The following BAHCC1 variants were observed in gnomAD, a reference collection of about 807,000 sequenced individuals.
The protein encoded by BAHCC1 is BAH and coiled-coil domain-containing protein 1.
Under a neutral mutation model 88.2 loss-of-function variants are expected in BAHCC1, and 43 were observed. The ratio of observed to expected loss-of-function variants is 0.49; its 90% CI spans 0.38 to 0.63. BAHCC1 has a LOEUF of 0.63. Ranked by LOEUF, BAHCC1 falls within the 20% of genes least tolerant of loss-of-function variation. The probability of loss-of-function intolerance (pLI) is 0.00; values close to 1 mark genes in which losing one functional copy is unlikely to be tolerated. For missense variants in BAHCC1, 3,023 were observed against 1,654.8 expected (o/e 1.83, Z -14.34); for synonymous variants, 1,510 against 745.5 (o/e 2.03, Z -16.71).
At chr17:81,421,679 G>A (rs930630003) in intron 2 of BAHCC1, among the ~76,000 whole-genome samples, 3 of 152,202 alleles carry the variant, frequency 2.0e-5, no homozygotes, top group Non-Finnish European at 4.4e-5. Context: ...CCCTGCTCAC[G>A]GGGCAAGGGG....
chr17:81,444,859 G>A (rs553257375), intron 8 of BAHCC1, 33 bp downstream of exon 8: 6 of 756,236 alleles, frequency 7.9e-6, no homozygotes, highest in East Asian at 2.5e-5. Context: ...GCTGTACTTG[G>A]GGGGTGCTGT....
At chr17:81,431,263 C>T in intron 3 of BAHCC1, among the ~76,000 whole-genome samples, 1 of 152,170 alleles carries the variant, frequency 6.6e-6, no homozygotes, top group East Asian at 1.9e-4. Flanking sequence ...GGCCGGCCAC[C>T]CTGCCAGGGT....
chr17:81,442,652 G>C lies in BAHCC1; in HGVS notation c.1303G>C (p.Ala435Pro). Reference protein sequence around the residue: ...LEGTMAPDHAAPYGVSYAHLK... With the variant: ...LEGTMAPDHAPPYGVSYAHLK... Reference sequence around the variant, plus strand: ...GGGAACCATGGCCCCCGACCACGCTGCACCCTATGGAGTCTCCTATGCCCA... The same window carrying C: ...GGGAACCATGGCCCCCGACCACGCTCCACCCTATGGAGTCTCCTATGCCCA... Residue 435 changes from alanine (A) to proline (P), a missense_variant, in exon 5 of 28, where the codon GCA becomes CCA. Ala to Pro is a conservative substitution (Grantham distance 27). Transcript: ENST00000675386. The C allele has an allele frequency of 1.3e-6, 1 of 775,598 alleles. No homozygotes were observed. Among genetic ancestry groups the C allele is most frequent in the East Asian group, 2.4e-5 (1 of 41,084 alleles). 48.0% of individuals were successfully genotyped at this position (775,598 alleles called of 1,614,324 possible). A position where few individuals can be genotyped will look rare whatever the true frequency, so the allele number is the denominator to read the frequency against.
chr17:81,407,361 G>A (rs78618282), intron 2 of BAHCC1: 48 of 520,098 alleles, frequency 9.2e-5, no homozygotes, highest in South Asian at 4.1e-4. Context: ...GCCTGCTGGC[G>A]TCTTCAAGGG....
At chr17:81,425,144 TG>T (rs1568007151) in intron 2 of BAHCC1, among the ~76,000 whole-genome samples, 1 of 104,076 alleles carries the variant, frequency 9.6e-6, no homozygotes, top group Non-Finnish European at 1.8e-5. Context: ...GTGATGTGGT[TG>T]GGGGTGATGG....
At chr17:81,404,444 GCCT>G (rs2063855231) in intron 2 of BAHCC1, among the ~76,000 whole-genome samples, 1 of 152,214 alleles carries the variant, frequency 6.6e-6, no homozygotes, top group Non-Finnish European at 1.5e-5. Context: ...TCTTGCCCTG[GCCT>G]GGGCCAGAGT....
At chr17:81,453,503 C>T (rs2064685536) in intron 14 of BAHCC1, among the ~76,000 whole-genome samples, 1 of 152,186 alleles carries the variant, frequency 6.6e-6, no homozygotes, top group Non-Finnish European at 1.5e-5. Context: ...AATCTCAGGG[C>T]TTCATGTCAC....
At chr17:81,438,169 CCGCA>C (rs1258313733) in intron 3 of BAHCC1, among the ~76,000 whole-genome samples, 197 bp from the exon 4 acceptor site, 1 of 152,240 alleles carries the variant, frequency 6.6e-6, no homozygotes, top group African/African-American at 2.4e-5. Context: ...TCAATTTGTG[CCGCA>C]CCGGAGGGAT....
rs782778895 is a variant in BAHCC1 at position 81,452,105 on chromosome 17, T to C, written c.4314T>C (p.His1438=). The change falls in exon 13 of 28, where the codon CAT becomes CAC. Residue 1438 remains histidine, a splice_region_variant and synonymous_variant. Coordinates refer to ENST00000675386, the MANE Select transcript of BAHCC1 (RefSeq NM_001377448.1). The part of the protein sequence containing the change: ...ELARLQRKHD[H]ERDESSRSPA... ...CCCGCCTGCAGCGCAAGCACGACCA[T>C]GAGTACGCCTGGCGTGGCGGGGGGG... 19 of 627,704 alleles carry C rather than the reference T, an allele frequency of 3.0e-5. No individual in the cohort carries two copies. Among genetic ancestry groups the C allele is most frequent in the Non-Finnish European group, 4.5e-5 (16 of 355,858 alleles). The allele number at this position is 627,704 out of a possible 1,614,324, so 38.9% of individuals were successfully genotyped here.
chr17:81,429,375 A>T (rs1241288333), intron 3 of BAHCC1, among the ~76,000 whole-genome samples: 6 of 152,156 alleles, frequency 3.9e-5, no homozygotes, highest in African/African-American at 1.4e-4. Context: ...ACCCCCCGGG[A>T]TCCCCTCCCC....
At position 81,411,679 on chromosome 17, in the gene BAHCC1, A is replaced by G. The variant is rs1205368821; in HGVS notation, c.178+11762A>G. 7 of 332,094 alleles carry G rather than the reference A, an allele frequency of 2.1e-5. No homozygotes were observed. Among genetic ancestry groups the G allele is most frequent in the African/African-American group, 1.3e-4 (6 of 45,770 alleles). 20.6% of individuals were successfully genotyped at this position (332,094 alleles called of 1,614,324 possible). Reference sequence around the variant, plus strand: ...GGGCATTCCAGACCTGAGGCCCTCCAGGCAGCTCCCCTTCCACTCTGCCCA... The same window carrying G: ...GGGCATTCCAGACCTGAGGCCCTCCGGGCAGCTCCCCTTCCACTCTGCCCA... On this transcript the variant is annotated intron_variant, in intron 2 of 27. Coordinates refer to ENST00000675386, the MANE Select transcript of BAHCC1 (RefSeq NM_001377448.1). The surrounding 1 kb of genome is among the most constrained non-coding windows in gnomAD (Gnocchi z 6.2).
intron 23 of BAHCC1, among the ~76,000 whole-genome samples, chr17:81,459,962 G>A (rs1458594489): frequency 6.6e-6 from 1 of 152,166 alleles, no homozygotes; most frequent in Non-Finnish European, 1.5e-5. Flanking sequence ...GGGTCCCACA[G>A]GCAAGTGGCC....
chr17:81,461,152 C>G lies in BAHCC1; in HGVS notation c.6489C>G (p.Ser2163Arg), dbSNP rs1555659170. ...FRADSFSSLA[S>R]SYAPFVGGTG... ...CCGACTCCTTCAGCAGCCTGGCCAGCTCCTACGCGCCCTTCGTCGGGGGGA... is the reference window on the plus strand; with the variant it reads ...CCGACTCCTTCAGCAGCCTGGCCAGGTCCTACGCGCCCTTCGTCGGGGGGA... The change falls in exon 26 of 28, where the codon AGC becomes AGG. Residue 2163 changes from serine to arginine, a missense_variant. Physicochemically the swap from Ser to Arg is moderately radical, Grantham distance 110. Transcript: ENST00000675386. 7.9e-6 allele frequency: 6 copies of G among 759,976 alleles called. No homozygotes were observed. In the East Asian group the frequency reaches 1.2e-4, roughly 16 times the overall value. 47.1% of individuals were successfully genotyped at this position (759,976 alleles called of 1,614,324 possible). A position where few individuals can be genotyped will look rare whatever the true frequency, so the allele number is the denominator to read the frequency against.
chr17:81,416,709 G>A (rs1432043892), intron 2 of BAHCC1, among the ~76,000 whole-genome samples: 1 of 152,168 alleles, frequency 6.6e-6, no homozygotes, highest in Non-Finnish European at 1.5e-5. Context: ...TGGCCATCCC[G>A]AGCCTGCACC....
intron 14 of BAHCC1, among the ~76,000 whole-genome samples, chr17:81,454,671 A>G (rs1415557576): frequency 2.0e-5 from 3 of 152,022 alleles, no homozygotes; most frequent in Non-Finnish European, 2.9e-5. Context: ...CCCACTCCTA[A>G]GGGTGGTAGT....
In BAHCC1 at chr17:81,443,163, A is replaced by G. The variant is rs1555653191; in HGVS notation, c.1814A>G (p.Tyr605Cys). Residue 605 changes from tyrosine (Y) to cysteine (C), a missense_variant, in exon 5 of 28, where the codon TAC becomes TGC. Tyr to Cys is a radical substitution (Grantham distance 194). Coordinates refer to ENST00000675386, the MANE Select transcript of BAHCC1 (RefSeq NM_001377448.1). ...AISEERKAGA[Y>C]LDPFGSGLQQ... ...AGCGAGGAGCGCAAGGCTGGCGCCT[A>G]CCTGGACCCCTTTGGCAGTGGCCTG... is the stretch of plus-strand genomic sequence containing the variant. 2.6e-6 allele frequency: 2 copies of G among 778,768 alleles called. No individual in the cohort carries two copies. Among genetic ancestry groups the G allele is most frequent in the East Asian group, 2.4e-5 (1 of 41,222 alleles). The allele number at this position is 778,768 out of a possible 1,614,324, so 48.2% of individuals were successfully genotyped here.
At chr17:81,407,821 C>T (rs1376417832) in intron 2 of BAHCC1, among the ~76,000 whole-genome samples, 1 of 152,228 alleles carries the variant, frequency 6.6e-6, no homozygotes, top group East Asian at 1.9e-4. Flanking sequence ...TGTGTGCTCA[C>T]ACCATGAGGC....
chr17:81,452,967 C>T, intron 14 of BAHCC1, 116 bp downstream of exon 14: 1 of 598,360 alleles, frequency 1.7e-6, no homozygotes, highest in Non-Finnish European at 2.9e-6. Flanking sequence ...CCCTTCACAC[C>T]TACTCTGAAG....
At chr17:81,430,091 G>A (rs1308911869) in intron 3 of BAHCC1, among the ~76,000 whole-genome samples, 1 of 152,010 alleles carries the variant, frequency 6.6e-6, no homozygotes, top group Non-Finnish European at 1.5e-5. Flanking sequence ...GGCGGGAGGC[G>A]GAACTGGCCA....
Sources: gnomAD v4.1 joint callset for allele counts (sites outside exome capture counted in the v4.1 genomes callset) on GRCh38, gnomAD v4.1.1 for gene constraint, Gnocchi (gnomAD v3.1) non-coding constraint, MANE v1.5 for transcripts, NCBI Gene and HGNC (gene_info 2026-07-23, HGNC 2026-07-21) for gene names.